Variants in FAAH2 observed in about 807,000 individuals in gnomAD.
FAAH2 encodes the protein fatty-acid amide hydrolase 2.
In FAAH2, 60 loss-of-function variants were observed where a neutral mutation model predicts 36.9. The ratio of observed to expected loss-of-function variants is 1.63; its 90% confidence interval spans 1.32 to 2.02. FAAH2 has a LOEUF of 2.02. Among genes scored for constraint, FAAH2 ranks in the 30% most tolerant of loss-of-function variants. FAAH2 has a pLI of 0.00. For synonymous variants in FAAH2, 214 were observed against 143.8 expected, an observed-to-expected ratio of 1.49 and a Z score of -3.49; for missense variants, 689 against 397.5, an observed-to-expected ratio of 1.73 and a Z score of -6.23.
intron 8 of FAAH2, among the ~76,000 whole-genome samples, chrX:57,442,920 G>T (rs1187056368): frequency 9.0e-6 from 1 of 111,294 alleles, no homozygotes; most frequent in South Asian, 3.8e-4. Context: ...TTTTCTTTAA[G>T]AATGTTGAAT....
chrX:57,323,506 CT>C (rs2053099796), intron 3 of FAAH2, among the ~76,000 whole-genome samples: 1 of 111,357 alleles, frequency 9.0e-6, no homozygotes, highest in Admixed American at 9.6e-5. Flanking sequence ...TTGTTCCTGA[CT>C]TTTTAATGAT....
chrX:57,139,305 CAG>C, the FAAH2 span, among the ~76,000 whole-genome samples: 3 of 112,347 alleles, frequency 2.7e-5, no homozygotes, highest in South Asian at 7.4e-4. Flanking sequence ...ACATTTATTA[CAG>C]AGAGTGTCCT....
the FAAH2 span, among the ~76,000 whole-genome samples, chrX:57,252,960 A>T: frequency 8.9e-6 from 1 of 111,836 alleles, no homozygotes. Flanking sequence ...GTAATCACAA[A>T]CTTCTCCGAG....
the FAAH2 span, among the ~76,000 whole-genome samples, chrX:57,186,639 T>C: frequency 8.9e-6 from 1 of 112,253 alleles, no homozygotes; most frequent in African/African-American, 3.2e-5. Flanking sequence ...TCTTTGCCTA[T>C]GTTTATTTGC....
intron 2 of FAAH2, among the ~76,000 whole-genome samples, chrX:57,293,197 C>T (rs761622895): frequency 3.1e-4 from 35 of 111,169 alleles, no homozygotes; most frequent in African/African-American, 8.2e-4. Context: ...CTTGTTTGCA[C>T]GTCAGCTTTG....
intron 5 of FAAH2, among the ~76,000 whole-genome samples, chrX:57,352,022 A>G (rs5914982): frequency 0.72 from 35,626 of 49,325 alleles, 12,603 homozygotes; most frequent in Non-Finnish European, 0.9. Context: ...GTGTGTGTGT[A>G]TATATATATA....
chrX:57,167,804 T>C, the FAAH2 span, among the ~76,000 whole-genome samples: 45,545 of 110,061 alleles, frequency 0.41, 8,959 homozygotes, highest in African/African-American at 0.75. Context: ...GTAGGAGCAT[T>C]TACCTACTTG....
At chrX:57,405,983 G>T (rs5915013) in intron 7 of FAAH2, among the ~76,000 whole-genome samples, 58,141 of 107,768 alleles carry the variant, frequency 0.54, 14,176 homozygotes, top group Non-Finnish European at 0.74. Context: ...TTGCTATGGA[G>T]ATATTGATGT....
Position 57,292,428 on chromosome X carries a change from T to C in FAAH2, c.193-70T>C, listed in dbSNP as rs760748604. ...AATGATTAATGTACATAGGAGTCTTTCAGGAAATACTTGTTGAATGAATTG... is the reference window on the plus strand; with the variant it reads ...AATGATTAATGTACATAGGAGTCTTCCAGGAAATACTTGTTGAATGAATTG... On this transcript the variant is annotated intron_variant, in intron 1 of 10. Transcript: ENST00000374900. 1.8e-5 allele frequency: 18 copies of C among 986,103 alleles called. No homozygotes were observed. In the African/African-American group the frequency reaches 3.2e-4, roughly 18 times the overall value. 81.3% of individuals were successfully genotyped at this position (986,103 alleles called of 1,213,427 possible). A position where few individuals can be genotyped will look rare whatever the true frequency, so the allele number is the denominator to read the frequency against.
the FAAH2 span, among the ~76,000 whole-genome samples, chrX:57,185,233 C>A: frequency 9.0e-6 from 1 of 110,759 alleles, no homozygotes; most frequent in South Asian, 3.9e-4. Context: ...CACCCCTCAG[C>A]CCCAGCACTA....
intron 10 of FAAH2, among the ~76,000 whole-genome samples, chrX:57,460,917 C>A (rs977093277): frequency 9.0e-6 from 1 of 111,202 alleles, no homozygotes; most frequent in African/African-American, 3.3e-5. Context: ...ACCTCACGTG[C>A]AAAGACGCAC....
At chrX:57,197,290 G>GT in the FAAH2 span, among the ~76,000 whole-genome samples, 9 of 110,850 alleles carry the variant, frequency 8.1e-5, no homozygotes, top group African/African-American at 2.9e-4. Context: ...TTGTTCTTTT[G>GT]TTTTTTAAAT....
chrX:57,441,473 C>G (rs1323973782), intron 8 of FAAH2, among the ~76,000 whole-genome samples: 1 of 110,365 alleles, frequency 9.1e-6, no homozygotes, highest in Non-Finnish European at 1.9e-5. Context: ...TTTATTGCAT[C>G]TATTTGATTC....
the FAAH2 span, among the ~76,000 whole-genome samples, chrX:57,201,435 A>G: frequency 9.0e-6 from 1 of 110,604 alleles, no homozygotes; most frequent in East Asian, 2.8e-4. Flanking sequence ...ACTCCATAAA[A>G]AAAAAAAAGA....
At chrX:57,406,149 G>A (rs1317114851) in intron 7 of FAAH2, among the ~76,000 whole-genome samples, 1 of 111,678 alleles carries the variant, frequency 9.0e-6, no homozygotes, top group Non-Finnish European at 1.9e-5. Context: ...TGTCATGTAT[G>A]ACCTTTTGCC....
intron 4 of FAAH2, among the ~76,000 whole-genome samples, chrX:57,338,266 C>T (rs1341314719): frequency 1.8e-5 from 2 of 111,165 alleles, no homozygotes; most frequent in Non-Finnish European, 3.8e-5. Flanking sequence ...GAGTGGAGGT[C>T]GCAAGGTGCT....
intron 3 of FAAH2, among the ~76,000 whole-genome samples, chrX:57,329,770 A>G (rs1445242475): frequency 2.7e-5 from 3 of 111,199 alleles, no homozygotes; most frequent in African/African-American, 6.5e-5. Flanking sequence ...AAACAGAGGG[A>G]CCAGCTGAAG....
At chrX:57,436,459 G>A (rs900939353) in intron 8 of FAAH2, among the ~76,000 whole-genome samples, 1 of 109,685 alleles carries the variant, frequency 9.1e-6, no homozygotes, top group Non-Finnish European at 1.9e-5. Flanking sequence ...CTTAAAAAAG[G>A]TAAACAAAAT....
At chrX:57,220,470 G>A in the FAAH2 span, among the ~76,000 whole-genome samples, 1 of 111,340 alleles carries the variant, frequency 9.0e-6, no homozygotes, top group South Asian at 3.8e-4. Context: ...TAAACCTTCA[G>A]TTCATCTCCT....
Sources: gnomAD v4.1 joint callset for allele counts (sites outside exome capture counted in the v4.1 genomes callset) on GRCh38, gnomAD v4.1.1 for gene constraint, MANE v1.5 for transcripts, NCBI Gene and HGNC (gene_info 2026-07-23, HGNC 2026-07-21) for gene names.